Variants in SNTG1 observed in about 807,000 individuals in gnomAD.
SNTG1 encodes the protein gamma-1-syntrophin.
Under a neutral mutation model 74.7 loss-of-function variants are expected in SNTG1, and 39 were observed. That is an observed-to-expected ratio of 0.52 (90% confidence interval 0.40 to 0.68). The LOEUF is 0.68. Among genes scored for constraint, SNTG1 ranks in the 30% least tolerant of loss-of-function variants. The pLI, the probability that SNTG1 is intolerant of heterozygous loss-of-function variation, is 0.00. For missense variants in SNTG1, 685 were observed against 609.5 expected, an observed-to-expected ratio of 1.12 and a Z score of -1.30; for synonymous variants, 254 against 217.1, an observed-to-expected ratio of 1.17 and a Z score of -1.49.
chr8:50,228,479 A>T (rs2085455137), intron 2 of SNTG1, among the ~76,000 whole-genome samples: 2 of 151,988 alleles, frequency 1.3e-5, no homozygotes, highest in Admixed American at 1.3e-4. Flanking sequence ...ATTCCTAGGA[A>T]TATTTAAATT....
intron 13 of SNTG1, among the ~76,000 whole-genome samples, chr8:50,615,236 A>T (rs190905035): frequency 1.3e-5 from 2 of 152,300 alleles, no homozygotes; most frequent in African/African-American, 4.8e-5. Context: ...CTGGGATTAC[A>T]GGCATGAGCC....
At chr8:50,200,596 C>G (rs1232877086) in intron 2 of SNTG1, among the ~76,000 whole-genome samples, 1 of 152,096 alleles carries the variant, frequency 6.6e-6, no homozygotes, top group Non-Finnish European at 1.5e-5. Flanking sequence ...CCATCTACAC[C>G]AGGGATGCCC....
chr8:50,761,162 A>G (rs899578015), intron 18 of SNTG1, among the ~76,000 whole-genome samples: 1 of 152,012 alleles, frequency 6.6e-6, no homozygotes, highest in Admixed American at 6.6e-5. Context: ...CCCATCAAAA[A>G]GCTTATCCAC....
At chr8:50,149,981 G>C (rs2131528865) in intron 1 of SNTG1, among the ~76,000 whole-genome samples, 1 of 152,170 alleles carries the variant, frequency 6.6e-6, no homozygotes. Context: ...AAATTACCTT[G>C]GGCAGTATGG....
intron 8 of SNTG1, among the ~76,000 whole-genome samples, chr8:50,484,084 C>A (rs117647532): frequency 0.051 from 7,622 of 150,190 alleles, 324 homozygotes; most frequent in South Asian, 0.17. Flanking sequence ...TTCTCTTTTT[C>A]TTTCTCTCTT....
At chr8:50,288,096 A>G (rs2088886676) in intron 2 of SNTG1, among the ~76,000 whole-genome samples, 3 of 152,168 alleles carry the variant, frequency 2.0e-5, no homozygotes, top group Admixed American at 2.0e-4. Context: ...TCATATTTGT[A>G]TTTCTAGTAT....
At chr8:50,530,611 A>C (rs2094259140) in intron 10 of SNTG1, among the ~76,000 whole-genome samples, 1 of 152,170 alleles carries the variant, frequency 6.6e-6, no homozygotes, top group East Asian at 1.9e-4. Context: ...GAAATTACTT[A>C]ACTAAAAGTA....
At chr8:50,602,899 ATTT>A (rs60612544) in intron 13 of SNTG1, among the ~76,000 whole-genome samples, 27 of 112,702 alleles carry the variant, frequency 2.4e-4, no homozygotes, top group African/African-American at 7.5e-4. Context: ...ACTGTAAGGT[ATTT>A]TTTTTTTTTT....
At chr8:50,683,114 C>A (rs1052047056) in intron 15 of SNTG1, among the ~76,000 whole-genome samples, 1 of 152,120 alleles carries the variant, frequency 6.6e-6, no homozygotes, top group African/African-American at 2.4e-5. Context: ...ATCTGTTTTG[C>A]TTAGTGCTAT....
intron 3 of SNTG1, among the ~76,000 whole-genome samples, chr8:50,398,829 G>T (rs1214072930): frequency 6.6e-6 from 1 of 152,092 alleles, no homozygotes; most frequent in African/African-American, 2.4e-5. Flanking sequence ...TACTTGGGAG[G>T]TGAGGCAGGA....
chr8:50,179,678 G>T, intron 2 of SNTG1, among the ~76,000 whole-genome samples: 1 of 152,120 alleles, frequency 6.6e-6, no homozygotes, highest in African/African-American at 2.4e-5. Flanking sequence ...ATATGCAAAG[G>T]CATTCAACAT....
intron 15 of SNTG1, among the ~76,000 whole-genome samples, chr8:50,661,767 G>A (rs1418452555): frequency 6.6e-6 from 1 of 152,108 alleles, no homozygotes; most frequent in Non-Finnish European, 1.5e-5. Context: ...ACATAGGTTA[G>A]TGAGGCCTGG....
chr8:49,944,919 C>A (rs1374478685), intron 1 of SNTG1, among the ~76,000 whole-genome samples: 1 of 152,044 alleles, frequency 6.6e-6, no homozygotes, highest in Non-Finnish European at 1.5e-5. Flanking sequence ...TCCTGAGTAG[C>A]TGGGACTACA....
At chr8:50,442,988 C>T (rs1324080800) in intron 5 of SNTG1, among the ~76,000 whole-genome samples, 1 of 152,180 alleles carries the variant, frequency 6.6e-6, no homozygotes, top group Non-Finnish European at 1.5e-5. Context: ...TCTCCTTCCC[C>T]TCTCAAGTGC....
At chr8:49,950,492 A>G (rs1420209935) in intron 1 of SNTG1, among the ~76,000 whole-genome samples, 1 of 152,182 alleles carries the variant, frequency 6.6e-6, no homozygotes, top group Non-Finnish European at 1.5e-5. Context: ...TTTTTTTGCC[A>G]ATTAAGTAAA....
chr8:49,981,138 T>C (rs1812643063), intron 1 of SNTG1, among the ~76,000 whole-genome samples: 2 of 152,146 alleles, frequency 1.3e-5, no homozygotes, highest in African/African-American at 4.8e-5. Context: ...GGTATTAATC[T>C]GGGGAGAAGG....
chr8:49,951,092 G>A (rs1809657853), intron 1 of SNTG1, among the ~76,000 whole-genome samples: 1 of 152,176 alleles, frequency 6.6e-6, no homozygotes, highest in East Asian at 1.9e-4. Flanking sequence ...GCATTTGGGG[G>A]GATAGTAAAA....
intron 15 of SNTG1, among the ~76,000 whole-genome samples, chr8:50,698,499 T>C (rs1171672899): frequency 6.6e-6 from 1 of 151,868 alleles, no homozygotes; most frequent in Non-Finnish European, 1.5e-5. Flanking sequence ...AAGTGAAAGA[T>C]GGGGTGAGCC....
At chr8:50,704,464 T>C in intron 15 of SNTG1, 136 bp from the exon 16 acceptor site, 1 of 1,055,848 alleles carries the variant, frequency 9.5e-7, no homozygotes, top group South Asian at 1.3e-5. Flanking sequence ...TGGTATAATG[T>C]CTAATGAAGA....
Sources: allele counts gnomAD v4.1 joint callset (sites outside exome capture counted in the v4.1 genomes callset), GRCh38; gene constraint gnomAD v4.1.1; transcripts MANE v1.5; gene names NCBI Gene and HGNC (gene_info 2026-07-23, HGNC 2026-07-21).